The following PLCB1 variants were observed in gnomAD, a reference collection of about 807,000 sequenced individuals.
The protein encoded by PLCB1 is 1-phosphatidylinositol 4,5-bisphosphate phosphodiesterase beta-1.
In PLCB1, 46 loss-of-function variants were observed where a neutral mutation model predicts 161.8. The ratio of observed to expected loss-of-function variants is 0.28; its 90% CI spans 0.22 to 0.36. The LOEUF (loss-of-function observed/expected upper bound fraction) is 0.36, where lower values mean the gene tolerates loss of function less well. Among genes scored for constraint, PLCB1 ranks in the 10% least tolerant of loss-of-function variants. The probability of loss-of-function intolerance (pLI) is 1.00; values close to 1 mark genes in which losing one functional copy is unlikely to be tolerated. For missense variants in PLCB1, 1,016 were observed against 1,472.5 expected (o/e 0.69, Z 5.07); for synonymous variants, 517 against 503.7 (o/e 1.03, Z -0.35).
intron 27 of PLCB1, among the ~76,000 whole-genome samples, chr20:8,777,462 T>C (rs1382389615): frequency 6.6e-6 from 1 of 152,034 alleles, no homozygotes. Context: ...CTCACACCTG[T>C]GATCCCAGTA....
rs115707408 is a variant in PLCB1 at position 8,520,706 on chromosome 20, G to T, written c.247-107588G>T. Among the ~76,000 whole-genome samples, 1,429 of 152,232 alleles carry T rather than the reference G, an allele frequency of 9.4e-3. 35 individuals carry two copies. Among genetic ancestry groups the T allele is most frequent in the African/African-American group, 0.033 (1,377 of 41,540 alleles). On this transcript the variant is annotated intron_variant, in intron 3 of 31. Coordinates refer to ENST00000338037, the MANE Select transcript of PLCB1 (RefSeq NM_015192.4). Reference sequence around the variant, plus strand: ...GGCAACTGCTATCCAATTTCTGTGGGTATAAATAACTTTTATTTCTTTTCA... The same window carrying T: ...GGCAACTGCTATCCAATTTCTGTGGTTATAAATAACTTTTATTTCTTTTCA...
At chr20:8,388,599 TG>T (rs1461141212) in intron 3 of PLCB1, among the ~76,000 whole-genome samples, 2 of 152,220 alleles carry the variant, frequency 1.3e-5, no homozygotes, top group African/African-American at 4.8e-5. Flanking sequence ...CCCTTATTCT[TG>T]GTTCCAACTA....
intron 9 of PLCB1, among the ~76,000 whole-genome samples, chr20:8,669,712 C>T (rs938104331): frequency 3.9e-5 from 6 of 152,136 alleles, no homozygotes; most frequent in African/African-American, 1.4e-4. Flanking sequence ...ACTGGCATTC[C>T]ATGCTGTGCT....
chr20:8,265,118 G>A lies in PLCB1; in HGVS notation c.178-106264G>A, dbSNP rs562085186. On this transcript the variant is annotated intron_variant, in intron 2 of 31. Coordinates refer to ENST00000338037, the MANE Select transcript of PLCB1 (RefSeq NM_015192.4). ...TCTATGTTTAAGATCATCAGTTTTA[G>A]TGGCAGGTATTCTTGGACTTAATCC... Among the ~76,000 whole-genome samples the A allele has an allele frequency of 1.2e-4, 18 of 152,278 alleles. 1 individual carries two copies. In the South Asian group the frequency reaches 3.7e-3, roughly 32 times the overall value.
chr20:8,335,425 C>A (rs1187846353), intron 2 of PLCB1, among the ~76,000 whole-genome samples: 1 of 152,182 alleles, frequency 6.6e-6, no homozygotes, highest in Non-Finnish European at 1.5e-5. Flanking sequence ...CTCCCTCTAA[C>A]CCACAACCTC....
Position 8,235,792 on chromosome 20 carries a change from A to G in PLCB1, c.177+85421A>G, listed in dbSNP as rs966130067. Among the ~76,000 whole-genome samples the G allele has an allele frequency of 5.3e-5, 8 of 152,230 alleles. No individual in the cohort carries two copies. The East Asian group carries it at 1.4e-3, about 26-fold the overall frequency. Reference sequence around the variant, plus strand: ...ATTATTTCTAAAATACTTTTATAAAATGAGAAAGTTTTTTATGTCCAGTAA... The same window carrying G: ...ATTATTTCTAAAATACTTTTATAAAGTGAGAAAGTTTTTTATGTCCAGTAA... On this transcript the variant is annotated intron_variant, in intron 2 of 31. Coordinates refer to ENST00000338037, the MANE Select transcript of PLCB1 (RefSeq NM_015192.4).
In PLCB1 at chr20:8,484,597, A is replaced by G. The variant is rs373898937; in HGVS notation, c.246+113147A>G. On this transcript the variant is annotated intron_variant, in intron 3 of 31. Transcript: ENST00000338037. Reference sequence around the variant, plus strand: ...GGCTGTTCTCGAACTCCTGACCTCAAGTGATCCTCCCGAAGTGCTGGGATT... The same window carrying G: ...GGCTGTTCTCGAACTCCTGACCTCAGGTGATCCTCCCGAAGTGCTGGGATT... 8.2e-4 allele frequency among the ~76,000 whole-genome samples: 124 copies of G among 151,806 alleles called. 1 individual carries two copies. The South Asian group carries it at 0.024, about 30-fold the overall frequency.
intron 3 of PLCB1, among the ~76,000 whole-genome samples, chr20:8,551,325 A>T (rs1369301578): frequency 6.6e-6 from 1 of 152,176 alleles, no homozygotes; most frequent in East Asian, 1.9e-4. Flanking sequence ...ATAGCCTCAG[A>T]CTTTTATTCT....
intron 3 of PLCB1, among the ~76,000 whole-genome samples, chr20:8,433,720 C>T (rs1206416741): frequency 8.4e-6 from 1 of 118,682 alleles, no homozygotes; most frequent in Non-Finnish European, 1.8e-5. Flanking sequence ...TCCTCCTCCT[C>T]CTCATCCTCC....
At chr20:8,579,858 A>G (rs1378238053) in intron 3 of PLCB1, among the ~76,000 whole-genome samples, 1 of 105,566 alleles carries the variant, frequency 9.5e-6, no homozygotes, top group Non-Finnish European at 1.7e-5. Context: ...ATCAGGAGAC[A>G]GAGGGAGCAA....
intron 3 of PLCB1, among the ~76,000 whole-genome samples, chr20:8,585,421 T>C (rs566157517): frequency 2.0e-5 from 3 of 152,290 alleles, no homozygotes; most frequent in East Asian, 3.9e-4. Context: ...CTTGAATAGC[T>C]TCTAGAAGAA....
chr20:8,540,085 G>A (rs1985247678), intron 3 of PLCB1, among the ~76,000 whole-genome samples: 1 of 152,012 alleles, frequency 6.6e-6, no homozygotes, highest in Non-Finnish European at 1.5e-5. Context: ...CAGTCAGTGA[G>A]GCTAACAAGA....
At chr20:8,262,434 G>A (rs1981747428) in intron 2 of PLCB1, among the ~76,000 whole-genome samples, 1 of 151,982 alleles carries the variant, frequency 6.6e-6, no homozygotes, top group Admixed American at 6.6e-5. Context: ...ATATTAGAGG[G>A]ATGCAGCAGT....
At chr20:8,752,899 G>A (rs1379368885) in intron 23 of PLCB1, among the ~76,000 whole-genome samples, 3 of 152,052 alleles carry the variant, frequency 2.0e-5, no homozygotes, top group African/African-American at 7.2e-5. Flanking sequence ...AACCAGTACT[G>A]GTCTGTAGCT....
In PLCB1 at chr20:8,667,988, G is replaced by A. The variant is rs74506152; in HGVS notation, c.862+9284G>A. On this transcript the variant is annotated intron_variant, in intron 9 of 31. Transcript: ENST00000338037. ...AGTGCGTGTGGGGTGGGGTGGAGGGGACTCTGGCTCAGTCAAAACTGCCTG... is the reference window on the plus strand; with the variant it reads ...AGTGCGTGTGGGGTGGGGTGGAGGGAACTCTGGCTCAGTCAAAACTGCCTG... 4.5e-3 allele frequency among the ~76,000 whole-genome samples: 684 copies of A among 152,244 alleles called. 4 individuals are homozygous for A. The highest frequency in any genetic ancestry group is 7.0e-3 in the Non-Finnish European group (473 of 68,006).
At chr20:8,841,012 A>G (rs1986483582) in intron 31 of PLCB1, among the ~76,000 whole-genome samples, 2 of 152,122 alleles carry the variant, frequency 1.3e-5, no homozygotes, top group Non-Finnish European at 2.9e-5. Context: ...AAATTTTTGT[A>G]TTTTTAGTAG....
chr20:8,252,637 T>G (rs1981209022), intron 2 of PLCB1, among the ~76,000 whole-genome samples: 1 of 152,020 alleles, frequency 6.6e-6, no homozygotes, highest in African/African-American at 2.4e-5. Context: ...CTAAGATTGT[T>G]TTCAATAAAA....
intron 2 of PLCB1, among the ~76,000 whole-genome samples, chr20:8,288,395 T>C (rs1226110406): frequency 1.3e-5 from 2 of 152,132 alleles, no homozygotes; most frequent in African/African-American, 4.8e-5. Flanking sequence ...AGATGGAGAT[T>C]CTGATGCAAG....
At chr20:8,140,868 G>A (rs935983633) in intron 1 of PLCB1, among the ~76,000 whole-genome samples, 2 of 151,602 alleles carry the variant, frequency 1.3e-5, no homozygotes, top group African/African-American at 4.8e-5. Context: ...GCGCAATCTC[G>A]GCTCACCGCA....
Sources: allele counts gnomAD v4.1 joint callset (sites outside exome capture counted in the v4.1 genomes callset), GRCh38; gene constraint gnomAD v4.1.1; transcripts MANE v1.5; gene names NCBI Gene and HGNC (gene_info 2026-07-23, HGNC 2026-07-21).